Variants in ZNF578 observed in about 807,000 individuals in gnomAD.
ZNF578 encodes Putative chemokine-related protein B42.
In ZNF578, 8 loss-of-function variants were observed where a neutral mutation model predicts 8.3. The observed-to-expected ratio is 0.96, with a 90% CI of 0.56 to 1.74. The LOEUF (loss-of-function observed/expected upper bound fraction) is 1.74, where lower values mean the gene tolerates loss of function less well. Ranked by LOEUF, ZNF578 falls within the 40% of genes most tolerant of loss-of-function variation. The pLI is 0.00. For missense variants in ZNF578, 726 were observed against 707.5 expected (o/e 1.03, Z -0.30); for synonymous variants, 206 against 232.2 (o/e 0.89, Z 1.03).
rs1265068671 is a variant in ZNF578 at position 52,512,231 on chromosome 19, CAT to C, written c.*79_*80del. 61 of 1,598,458 alleles carry C rather than the reference CAT, an allele frequency of 3.8e-5. No homozygotes were observed. Among genetic ancestry groups the C allele is most frequent in the Non-Finnish European group, 4.4e-5 (51 of 1,169,830 alleles). ...CAGTCACAGATCACGCCTTAAAAGA[CAT>C]AGGAGAATTCATACTGGAGAGAAAC... On this transcript the variant is annotated 3_prime_UTR_variant, in exon 6 of 6. Transcript: ENST00000421239.
intron 2 of ZNF578, among the ~76,000 whole-genome samples, chr19:52,487,452 A>G (rs1241748576): frequency 3.3e-5 from 5 of 152,190 alleles, no homozygotes; most frequent in East Asian, 1.9e-4. Context: ...ATTGGTGTCT[A>G]TAAGACGTAC....
chr19:52,463,414 TA>T (rs1168736482), intron 2 of ZNF578, among the ~76,000 whole-genome samples: 2 of 152,318 alleles, frequency 1.3e-5, no homozygotes, highest in East Asian at 3.9e-4. Context: ...CTTTGAGGCT[TA>T]ACACCAGTTC....
intron 2 of ZNF578, chr19:52,457,610 C>CACT (rs10623898): frequency 0.89 from 134,485 of 151,640 alleles, 60,394 homozygotes; most frequent in Non-Finnish European, 0.96. Flanking sequence ...TGGGATCTGA[C>CACT]GTCTCCAGTC....
At chr19:52,507,303 A>T (rs146072538) in intron 5 of ZNF578, among the ~76,000 whole-genome samples, 2,490 of 152,200 alleles carry the variant, frequency 0.016, 24 homozygotes, top group Middle Eastern at 0.027. Context: ...TGGGAGAATC[A>T]CTTGAACCTG....
Position 52,511,639 on chromosome 19 carries a change from CTT to C in ZNF578, c.1259_1260del (p.Leu420ProfsTer10), listed in dbSNP as rs2059447571. ...ATCACACCTTTCACGTCATCATAGA[CTT>C]CATACTGGAGAGAAACCTTACAAGT... Reference protein sequence around the residue: ...QQSHLSRHHRLHTGEKPYKCN... With the variant: ...QQSHLSRHHRXHTGEKPYKCN... On this transcript the variant is annotated frameshift_variant, in exon 6 of 6. Transcript: ENST00000421239. LOFTEE classifies it low-confidence loss of function (END_TRUNC). 6.2e-7 allele frequency: 1 copy of C among 1,613,662 alleles called. No individual in the cohort carries two copies. Among genetic ancestry groups the C allele is most frequent in the African/African-American group, 1.3e-5 (1 of 74,838 alleles).
At chr19:52,506,462 CTTTTTTTTT>C (rs35676968) in intron 5 of ZNF578, among the ~76,000 whole-genome samples, 15,596 of 109,226 alleles carry the variant, frequency 0.14, 966 homozygotes, top group Middle Eastern at 0.21. Flanking sequence ...AGTACAGTTT[CTTTTTTTTT>C]TTTTTTTTTT....
At chr19:52,498,675 G>A (rs2059395802) in intron 3 of ZNF578, among the ~76,000 whole-genome samples, 2 of 104,484 alleles carry the variant, frequency 1.9e-5, no homozygotes, top group Admixed American at 1.0e-4. Flanking sequence ...GAGCCACCTC[G>A]CCTGGCCGCT....
chr19:52,484,336 T>C (rs1404447468), intron 2 of ZNF578, among the ~76,000 whole-genome samples: 1 of 152,208 alleles, frequency 6.6e-6, no homozygotes, highest in Admixed American at 6.5e-5. Context: ...TGCCTTCCTC[T>C]TATCTCAACT....
intron 2 of ZNF578, chr19:52,458,261 G>A (rs1350073121): frequency 6.6e-6 from 1 of 152,250 alleles, no homozygotes; most frequent in African/African-American, 2.4e-5. Context: ...TGGAGATTGT[G>A]GTATTCCTGC....
chr19:52,487,594 T>TG (rs1277304770), intron 2 of ZNF578, among the ~76,000 whole-genome samples: 1 of 152,040 alleles, frequency 6.6e-6, no homozygotes, highest in African/African-American at 2.4e-5. Flanking sequence ...GGTAGTGAAG[T>TG]GGGAAAAAAG....
At chr19:52,479,250 C>T (rs935909059) in intron 2 of ZNF578, among the ~76,000 whole-genome samples, 1 of 151,774 alleles carries the variant, frequency 6.6e-6, no homozygotes, top group African/African-American at 2.4e-5. Flanking sequence ...TTTCTCTTTC[C>T]CAAGGCCGGG....
At chr19:52,496,508 T>C (rs2059387215) in intron 3 of ZNF578, among the ~76,000 whole-genome samples, 1 of 146,532 alleles carries the variant, frequency 6.8e-6, no homozygotes, top group Non-Finnish European at 1.5e-5. Context: ...TTTTTGTATT[T>C]TTAGTAGAGA....
intron 5 of ZNF578, among the ~76,000 whole-genome samples, chr19:52,509,303 T>C (rs2059436280): frequency 6.6e-6 from 1 of 152,184 alleles, no homozygotes; most frequent in Admixed American, 6.5e-5. Flanking sequence ...TATTGTGTGC[T>C]GGTGGTTAAG....
chr19:52,506,163 T>A (rs993277912), intron 5 of ZNF578, among the ~76,000 whole-genome samples: 1 of 152,088 alleles, frequency 6.6e-6, no homozygotes, highest in African/African-American at 2.4e-5. Context: ...GATTCCAAAC[T>A]GCTGGGATTA....
chr19:52,494,805 C>T (rs1281978030), intron 3 of ZNF578, among the ~76,000 whole-genome samples: 1 of 152,046 alleles, frequency 6.6e-6, no homozygotes, highest in African/African-American at 2.4e-5. Flanking sequence ...AAAAAAATCA[C>T]TTTCTGTTAT....
chr19:52,515,866 T>G lies in ZNF578; in HGVS notation c.*3712T>G, dbSNP rs2059472865. On this transcript the variant is annotated 3_prime_UTR_variant, in exon 6 of 6. Coordinates refer to ENST00000421239, the MANE Select transcript of ZNF578 (RefSeq NM_001099694.2). ...GACACAGAGACCATCTTCAAGGCCTTTCTCTGTATGAGGACATCACAGCAA... is the reference window on the plus strand; with the variant it reads ...GACACAGAGACCATCTTCAAGGCCTGTCTCTGTATGAGGACATCACAGCAA... Among the ~76,000 whole-genome samples the G allele has an allele frequency of 6.6e-6, 1 of 151,978 alleles. No homozygotes were observed. Among genetic ancestry groups the G allele is most frequent in the Admixed American group, 6.6e-5 (1 of 15,246 alleles).
At chr19:52,493,518 A>C (rs1438601458) in intron 3 of ZNF578, among the ~76,000 whole-genome samples, 1 of 152,132 alleles carries the variant, frequency 6.6e-6, no homozygotes, top group African/African-American at 2.4e-5. Flanking sequence ...GGCAAGGAGA[A>C]CCGAGGGAGA....
rs1487752228 is a variant in ZNF578 at position 52,515,543 on chromosome 19, G to C, written c.*3389G>C. On this transcript the variant is annotated 3_prime_UTR_variant, in exon 6 of 6. Coordinates refer to ENST00000421239, the MANE Select transcript of ZNF578 (RefSeq NM_001099694.2). ...GCCATTAGCCCTTCCAGGACCCCAT[G>C]TAAGACTTTAGACACCTTCTCACTC... is the stretch of plus-strand genomic sequence containing the variant. Among the ~76,000 whole-genome samples, 1 of 152,128 alleles carries C rather than the reference G, an allele frequency of 6.6e-6. No homozygotes were observed. The highest frequency in any genetic ancestry group is 2.4e-5 in the African/African-American group (1 of 41,444).
At chr19:52,460,645 G>C (rs2059255044) in intron 2 of ZNF578, among the ~76,000 whole-genome samples, 1 of 152,136 alleles carries the variant, frequency 6.6e-6, no homozygotes, top group Non-Finnish European at 1.5e-5. Flanking sequence ...CTTTAAGTTG[G>C]ATGTAGATCC....
Sources: gnomAD v4.1 joint callset for allele counts (sites outside exome capture counted in the v4.1 genomes callset) on GRCh38, gnomAD v4.1.1 for gene constraint, MANE v1.5 for transcripts, NCBI Gene and HGNC (gene_info 2026-07-23, HGNC 2026-07-21) for gene names.